Variants in CDKN2B-AS1 observed in about 807,000 individuals in gnomAD.
The protein encoded by CDKN2B-AS1 is CDKN2B antisense RNA 1 (non-protein coding).
chr9:22,115,685 G>A (rs1367959587), intron 4 of CDKN2B-AS1, among the ~76,000 whole-genome samples: 1 of 152,118 alleles, frequency 6.6e-6, no homozygotes, highest in African/African-American at 2.4e-5. Context: ...CTCCCATTAA[G>A]GTTCTTCCAG....
At chr9:22,047,805 T>A (rs890770076) in intron 2 of CDKN2B-AS1, among the ~76,000 whole-genome samples, 1 of 151,852 alleles carries the variant, frequency 6.6e-6, no homozygotes, top group African/African-American at 2.4e-5. Context: ...TTTTTTTTTT[T>A]AGACAGGGAA....
At chr9:22,102,749 G>A (rs1263568269) in intron 4 of CDKN2B-AS1, among the ~76,000 whole-genome samples, 2 of 152,108 alleles carry the variant, frequency 1.3e-5, no homozygotes, top group African/African-American at 4.8e-5. Flanking sequence ...TTTCTTTTCT[G>A]CTAAGTGAGG....
At chr9:22,072,948 G>A (rs1824354555) in intron 4 of CDKN2B-AS1, among the ~76,000 whole-genome samples, 1 of 152,170 alleles carries the variant, frequency 6.6e-6, no homozygotes, top group South Asian at 2.1e-4. Context: ...AAGTATGAAA[G>A]CGTTTATGAG....
chr9:22,020,800 A>G (rs555277588), intron 1 of CDKN2B-AS1, among the ~76,000 whole-genome samples: 2 of 152,208 alleles, frequency 1.3e-5, no homozygotes, highest in African/African-American at 4.8e-5. Flanking sequence ...GCATAGTTTA[A>G]AGAAATGTTC....
At chr9:22,066,875 C>T (rs1563959451) in intron 4 of CDKN2B-AS1, among the ~76,000 whole-genome samples, 2 of 152,048 alleles carry the variant, frequency 1.3e-5, no homozygotes, top group African/African-American at 4.8e-5. Context: ...CCATGGAATA[C>T]TATGCAGCCA....
At chr9:22,055,177 T>C (rs1823507998) in intron 3 of CDKN2B-AS1, among the ~76,000 whole-genome samples, 1 of 152,366 alleles carries the variant, frequency 6.6e-6, no homozygotes, top group Admixed American at 6.5e-5. Flanking sequence ...ATATTTATTG[T>C]GTACAGTGGA....
intron 1 of CDKN2B-AS1, chr9:22,008,744 C>A (rs1247009424): frequency 1.9e-6 from 3 of 1,610,402 alleles, no homozygotes; most frequent in Non-Finnish European, 2.5e-6. Flanking sequence ...TCCGCCGAGG[C>A]CGCGCCCCGC....
chr9:22,090,499 G>A (rs1269948091), intron 4 of CDKN2B-AS1, among the ~76,000 whole-genome samples: 1 of 152,144 alleles, frequency 6.6e-6, no homozygotes, highest in Non-Finnish European at 1.5e-5. Context: ...GTTGTTTCTT[G>A]ACTTTTTAAT....
chr9:22,009,394 G>C, intron 1 of CDKN2B-AS1: 2 of 310,402 alleles, frequency 6.4e-6, no homozygotes, highest in South Asian at 1.0e-4. Context: ...CCTGTCCGCT[G>C]TGATCGCCGG....
chr9:22,053,278 C>G (rs962042484), intron 3 of CDKN2B-AS1, among the ~76,000 whole-genome samples: 1 of 152,126 alleles, frequency 6.6e-6, no homozygotes, highest in Admixed American at 6.6e-5. Context: ...TCTAGAAAGA[C>G]CTGGGCTTTT....
Position 22,005,921 on chromosome 9 carries a change from A to G in CDKN2B-AS1, n.29+10760A>G, listed in dbSNP as rs1821149619. 3.2e-6 allele frequency: 5 copies of G among 1,541,718 alleles called. No individual in the cohort carries two copies. The highest frequency in any genetic ancestry group is 4.8e-5 in the East Asian group (2 of 41,814). On this transcript the variant is annotated intron_variant and non_coding_transcript_variant, in intron 1 of 4. Coordinates refer to ENST00000650946, the Ensembl canonical transcript of CDKN2B-AS1. This position sits in a 1 kb window ranked among gnomAD's most constrained non-coding sequence, Gnocchi z 4.9. The stretch of plus-strand genomic sequence containing the variant: ...CCCCGTTGGCAGCCTTCATCGAATT[A>G]GGTGGGTGGGGGTGGGAAATTGGGT...
intron 1 of CDKN2B-AS1, among the ~76,000 whole-genome samples, chr9:22,037,010 T>C (rs574337867): frequency 6.3e-4 from 96 of 152,212 alleles, no homozygotes; most frequent in African/African-American, 2.2e-3. Context: ...CTTCTCCCTT[T>C]ACCACCCTCA....
intron 3 of CDKN2B-AS1, among the ~76,000 whole-genome samples, chr9:22,050,131 T>A (rs992826884): frequency 6.6e-6 from 1 of 152,228 alleles, no homozygotes; most frequent in Non-Finnish European, 1.5e-5. Flanking sequence ...ATGTATATAC[T>A]GTACACATAC....
At chr9:22,046,063 C>G (rs1823095698) in intron 1 of CDKN2B-AS1, among the ~76,000 whole-genome samples, 1 of 151,924 alleles carries the variant, frequency 6.6e-6, no homozygotes, top group Admixed American at 6.6e-5. Flanking sequence ...CTTGAGAAAC[C>G]CTTCAGCTTC....
At chr9:22,041,685 A>G (rs1822902158) in intron 1 of CDKN2B-AS1, among the ~76,000 whole-genome samples, 1 of 152,064 alleles carries the variant, frequency 6.6e-6, no homozygotes, top group African/African-American at 2.4e-5. Context: ...TACTGAAAAA[A>G]CACTACAGAC....
intron 4 of CDKN2B-AS1, among the ~76,000 whole-genome samples, chr9:22,104,431 A>G (rs909833609): frequency 2.6e-5 from 4 of 152,160 alleles, no homozygotes; most frequent in East Asian, 1.9e-4. Flanking sequence ...TGCTCTCTAC[A>G]TGGTTTTGGG....
intron 4 of CDKN2B-AS1, among the ~76,000 whole-genome samples, chr9:22,125,410 C>T (rs1382975403): frequency 6.6e-6 from 1 of 152,248 alleles, no homozygotes; most frequent in Non-Finnish European, 1.5e-5. Flanking sequence ...CATATTCCAA[C>T]TTGTGTATGA....
At chr9:22,113,182 T>C (rs897082220) in intron 4 of CDKN2B-AS1, among the ~76,000 whole-genome samples, 1 of 152,154 alleles carries the variant, frequency 6.6e-6, no homozygotes, top group Non-Finnish European at 1.5e-5. Flanking sequence ...AAAATCAAAG[T>C]ATCAATGGGA....
At position 21,996,294 on chromosome 9, in the gene CDKN2B-AS1, C is replaced by T. The variant is rs1475486485; in HGVS notation, n.29+1133C>T. ...TTTAGCGATCACTCTTACGTAGCCA[C>T]TCTAAATATCTATCTAGATATTTAC... On this transcript the variant is annotated intron_variant and non_coding_transcript_variant, in intron 1 of 4. Coordinates refer to ENST00000650946, the Ensembl canonical transcript of CDKN2B-AS1. The surrounding 1 kb of genome is among the most constrained non-coding windows in gnomAD (Gnocchi z 5.4). 2.6e-5 allele frequency among the ~76,000 whole-genome samples: 4 copies of T among 152,172 alleles called. No homozygotes were observed. The highest frequency in any genetic ancestry group is 9.7e-5 in the African/African-American group (4 of 41,442).
Sources: allele counts gnomAD v4.1 joint callset (sites outside exome capture counted in the v4.1 genomes callset), GRCh38; gene constraint gnomAD v4.1.1; non-coding constraint Gnocchi (gnomAD v3.1); transcripts MANE v1.5; gene names NCBI Gene and HGNC (gene_info 2026-07-23, HGNC 2026-07-21).